The following SGSM1 variants were observed in gnomAD, a reference collection of about 807,000 sequenced individuals.
SGSM1 encodes the protein small G protein signaling modulator 1.
A neutral mutation model predicts 133.8 loss-of-function variants in SGSM1; 73 were observed. The observed-to-expected ratio is 0.55, with a 90% confidence interval of 0.45 to 0.66. SGSM1 has a LOEUF of 0.66. SGSM1 is among the 30% of genes least tolerant of loss of function. The probability of loss-of-function intolerance (pLI) is 0.00; values close to 1 mark genes in which losing one functional copy is unlikely to be tolerated. For missense variants in SGSM1, 1,213 were observed against 1,448.1 expected (o/e 0.84, Z 2.64); for synonymous variants, 563 against 573.0 (o/e 0.98, Z 0.25).
Position 24,847,796 on chromosome 22 carries a change from C to G in SGSM1, c.302C>G (p.Ala101Gly), listed in dbSNP as rs753360923. 12 of 1,613,316 alleles carry G rather than the reference C, an allele frequency of 7.4e-6. No homozygotes were observed. The African/African-American group carries it at 1.5e-4, about 20-fold the overall frequency. The change falls in exon 4 of 25, where the codon GCG becomes GGG. Residue 101 changes from alanine to glycine, a missense_variant and splice_region_variant. Physicochemically the swap from Ala to Gly is moderately conservative, Grantham distance 60 (BLOSUM62 0). Coordinates refer to ENST00000400358, the MANE Select transcript of SGSM1 (RefSeq NM_001098497.3). Reference sequence around the variant, plus strand: ...GACCTGGAGCAGCTGATCGAGAGCGCGTGAGTGCAAAGCATGGGGCACAGG... The same window carrying G: ...GACCTGGAGCAGCTGATCGAGAGCGGGTGAGTGCAAAGCATGGGGCACAGG... ...VQDLEQLIESARNQIQGLQEN... is the reference protein window; with the variant it reads ...VQDLEQLIESGRNQIQGLQEN...
intron 2 of SGSM1, among the ~76,000 whole-genome samples, chr22:24,828,932 G>A (rs983433753): frequency 3.3e-5 from 5 of 152,150 alleles, no homozygotes; most frequent in Non-Finnish European, 7.3e-5. Flanking sequence ...AGTGGCTCAC[G>A]TCTATGATCC....
chr22:24,807,888 C>CGT (rs71189301), intron 2 of SGSM1, among the ~76,000 whole-genome samples: 61,334 of 147,598 alleles, frequency 0.42, 13,006 homozygotes, highest in East Asian at 0.63. Context: ...TATGTGCCTG[C>CGT]GTGTGTGTGT....
At chr22:24,875,245 A>G (rs1193399293) in intron 12 of SGSM1, among the ~76,000 whole-genome samples, 1 of 152,246 alleles carries the variant, frequency 6.6e-6, no homozygotes, top group Non-Finnish European at 1.5e-5. Flanking sequence ...CCCATTCTGT[A>G]CCAGCCTATG....
chr22:24,886,846 T>A lies in SGSM1; in HGVS notation c.1770+118T>A, dbSNP rs1932636596. The stretch of plus-strand genomic sequence containing the variant: ...GAAGGGGAGGGAGATACGGGGAAGA[T>A]GGGAACCTGAAGGCGGCGCTGTCCA... On this transcript the variant is annotated intron_variant, in intron 16 of 24. Coordinates refer to ENST00000400358, the MANE Select transcript of SGSM1 (RefSeq NM_001098497.3). 1.2e-5 allele frequency: 16 copies of A among 1,322,334 alleles called. No individual in the cohort carries two copies. The South Asian group carries it at 2.7e-4, about 22-fold the overall frequency. The allele number at this position is 1,322,334 out of a possible 1,614,324, so 81.9% of individuals were successfully genotyped here.
intron 13 of SGSM1, 114 bp from the exon 14 acceptor site, chr22:24,879,348 C>T (rs1932194372): frequency 1.5e-5 from 14 of 937,188 alleles, no homozygotes; most frequent in East Asian, 5.2e-5. Flanking sequence ...CTACAGTCTC[C>T]CTGACTGGCT....
intron 2 of SGSM1, among the ~76,000 whole-genome samples, chr22:24,836,287 T>C (rs58920439): frequency 0.15 from 22,818 of 152,232 alleles, 1,987 homozygotes; most frequent in East Asian, 0.21. Flanking sequence ...AGAATTTCCT[T>C]CCTTTTTAAG....
chr22:24,891,504 T>C (rs145923631), intron 16 of SGSM1, among the ~76,000 whole-genome samples: 1 of 152,290 alleles, frequency 6.6e-6, no homozygotes, highest in African/African-American at 2.4e-5. Flanking sequence ...TTCTGTATTA[T>C]AAGGACCCAT....
intron 21 of SGSM1, among the ~76,000 whole-genome samples, chr22:24,906,419 T>C (rs1212740260): frequency 2.0e-5 from 3 of 152,166 alleles, no homozygotes; most frequent in African/African-American, 7.2e-5. Flanking sequence ...GAAATAAAAG[T>C]AATTCAGATT....
At chr22:24,903,708 T>G (rs997798954) in intron 20 of SGSM1, among the ~76,000 whole-genome samples, 1 of 152,036 alleles carries the variant, frequency 6.6e-6, no homozygotes, top group African/African-American at 2.4e-5. Context: ...AAAGAAACCA[T>G]AGGCTGGGCA....
chr22:24,819,275 A>G (rs1307452999), intron 2 of SGSM1, among the ~76,000 whole-genome samples: 3 of 152,164 alleles, frequency 2.0e-5, no homozygotes, highest in Non-Finnish European at 4.4e-5. Flanking sequence ...CTGCATTTCA[A>G]TCAAGTTAAA....
At chr22:24,868,569 G>C (rs188814255) in intron 11 of SGSM1, 30 bp downstream of exon 11, 2 of 1,613,312 alleles carry the variant, frequency 1.2e-6, no homozygotes, top group African/African-American at 2.7e-5. Flanking sequence ...CAGGGAGGCT[G>C]GGGTGGAGGC....
At chr22:24,911,869 A>C (rs933771104) in intron 21 of SGSM1, among the ~76,000 whole-genome samples, 2 of 152,098 alleles carry the variant, frequency 1.3e-5, no homozygotes. Context: ...TCTGGCTAAC[A>C]CGGTGAAACC....
chr22:24,809,954 A>G (rs1927636855), intron 2 of SGSM1, among the ~76,000 whole-genome samples: 1 of 152,194 alleles, frequency 6.6e-6, no homozygotes, highest in Non-Finnish European at 1.5e-5. Flanking sequence ...AAGAGGGTTG[A>G]GAGACACTAA....
Position 24,844,882 on chromosome 22 carries a change from A to C in SGSM1, c.64-15A>C. 1 of 1,613,296 alleles carries C rather than the reference A, an allele frequency of 6.2e-7. No homozygotes were observed. Among genetic ancestry groups the C allele is most frequent in the Non-Finnish European group, 8.5e-7 (1 of 1,179,764 alleles). The stretch of plus-strand genomic sequence containing the variant: ...ACCTTGGACCTCTTCCCCTCCGGTC[A>C]CCTTTGCCTTCCAGGTGAAGCAGAT... On this transcript the variant is annotated splice_polypyrimidine_tract_variant and intron_variant, in intron 2 of 24. Coordinates refer to ENST00000400358, the MANE Select transcript of SGSM1 (RefSeq NM_001098497.3).
chr22:24,855,736 G>C, intron 8 of SGSM1, 56 bp downstream of exon 8: 1 of 1,613,602 alleles, frequency 6.2e-7, no homozygotes, highest in Non-Finnish European at 8.5e-7. Context: ...CCAGGTTATA[G>C]AGGAAAAGGT....
chr22:24,913,216 C>A (rs573693054), intron 22 of SGSM1, among the ~76,000 whole-genome samples: 2 of 149,608 alleles, frequency 1.3e-5, no homozygotes, highest in South Asian at 4.2e-4. Flanking sequence ...TGGCGTGAAC[C>A]TGGGAGGCAG....
chr22:24,846,713 A>T (rs778875421), intron 3 of SGSM1, among the ~76,000 whole-genome samples: 2 of 152,242 alleles, frequency 1.3e-5, no homozygotes, highest in African/African-American at 4.8e-5. Context: ...GTTCACTTAC[A>T]TCGCCATAAG....
chr22:24,874,642 T>G (rs1236324678), intron 12 of SGSM1: 1 of 1,496,574 alleles, frequency 6.7e-7, no homozygotes, highest in East Asian at 2.5e-5. Flanking sequence ...CATGTTGTCA[T>G]TTGAGTTCTG....
chr22:24,857,867 A>G (rs1382454807), intron 8 of SGSM1, among the ~76,000 whole-genome samples: 1 of 152,238 alleles, frequency 6.6e-6, no homozygotes, highest in Non-Finnish European at 1.5e-5. Flanking sequence ...ACAGAACCAA[A>G]CAATATTTCC....
Sources: allele counts gnomAD v4.1 joint callset (sites outside exome capture counted in the v4.1 genomes callset), GRCh38; gene constraint gnomAD v4.1.1; transcripts MANE v1.5; gene names NCBI Gene and HGNC (gene_info 2026-07-23, HGNC 2026-07-21).